LRRC4C: variants seen among roughly 807,000 people sequenced by gnomAD.
The protein encoded by LRRC4C is leucine rich repeat containing 4C.
LRRC4C carries 5 observed loss-of-function variants against 33.6 expected under a neutral mutation model. The observed-to-expected ratio is 0.15, with a 90% CI of 0.08 to 0.31. The LOEUF is 0.31. LRRC4C is among the 10% of genes least tolerant of loss of function. The probability of loss-of-function intolerance (pLI) is 1.00; values close to 1 mark genes in which losing one functional copy is unlikely to be tolerated. For missense variants in LRRC4C, 560 were observed against 796.7 expected (o/e 0.70, Z 3.58); for synonymous variants, 329 against 302.0 (o/e 1.09, Z -0.93).
chr11:40,540,161 T>C (rs972868644), intron 3 of LRRC4C, among the ~76,000 whole-genome samples: 119 of 152,212 alleles, frequency 7.8e-4, no homozygotes, highest in Non-Finnish European at 2.5e-4. Context: ...TATTCAGTGC[T>C]TTGAACACCA....
At chr11:40,226,324 A>G (rs1024978421) in intron 5 of LRRC4C, among the ~76,000 whole-genome samples, 1 of 152,198 alleles carries the variant, frequency 6.6e-6, no homozygotes, top group African/African-American at 2.4e-5. Context: ...TGCTATACAG[A>G]AAGGCTCTAT....
intron 5 of LRRC4C, among the ~76,000 whole-genome samples, chr11:40,165,770 A>T (rs1859538558): frequency 6.6e-6 from 1 of 152,126 alleles, no homozygotes; most frequent in African/African-American, 2.4e-5. Flanking sequence ...ACATGGAGGA[A>T]CCCTGTCTCT....
At chr11:40,854,701 T>C (rs1160927890) in intron 2 of LRRC4C, among the ~76,000 whole-genome samples, 2 of 151,292 alleles carry the variant, frequency 1.3e-5, no homozygotes, top group Admixed American at 6.6e-5. Context: ...TAAACACAAA[T>C]ATATTTAAAG....
chr11:41,092,513 A>C (rs1392651959), intron 1 of LRRC4C, among the ~76,000 whole-genome samples: 1 of 152,226 alleles, frequency 6.6e-6, no homozygotes, highest in East Asian at 1.9e-4. Flanking sequence ...AAAGGCTATA[A>C]TATGGCATTT....
At chr11:40,799,914 T>C (rs1180557330) in intron 2 of LRRC4C, among the ~76,000 whole-genome samples, 4 of 152,226 alleles carry the variant, frequency 2.6e-5, no homozygotes, top group African/African-American at 9.6e-5. Flanking sequence ...CCTTGGCTTG[T>C]ATTCTTGTAT....
chr11:40,204,296 C>G (rs982315580), intron 5 of LRRC4C, among the ~76,000 whole-genome samples: 1 of 152,126 alleles, frequency 6.6e-6, no homozygotes, highest in African/African-American at 2.4e-5. Flanking sequence ...GTTACAACAT[C>G]CCTCCTACGT....
intron 1 of LRRC4C, among the ~76,000 whole-genome samples, chr11:41,195,403 A>G (rs1946138836): frequency 6.6e-6 from 1 of 152,138 alleles, no homozygotes; most frequent in African/African-American, 2.4e-5. Flanking sequence ...CAAAATTATT[A>G]ACAGTGCACA....
chr11:40,675,166 A>T (rs1449966740), intron 2 of LRRC4C, among the ~76,000 whole-genome samples: 1 of 152,124 alleles, frequency 6.6e-6, no homozygotes, highest in Non-Finnish European at 1.5e-5. Context: ...GGACCCATTT[A>T]GACTTAGGAA....
intron 1 of LRRC4C, among the ~76,000 whole-genome samples, chr11:41,014,456 G>A (rs1468129769): frequency 6.0e-5 from 9 of 150,078 alleles, no homozygotes; most frequent in Admixed American, 6.0e-4. Flanking sequence ...GTGTGTTGTT[G>A]ATCACAGTAC....
At position 40,562,340 on chromosome 11, in the gene LRRC4C, C is replaced by G. The variant is rs147826446; in HGVS notation, c.-270+85802G>C. 4.6e-5 allele frequency among the ~76,000 whole-genome samples: 7 copies of G among 151,982 alleles called. No individual in the cohort carries two copies. In the East Asian group the frequency reaches 1.4e-3, roughly 29 times the overall value. On this transcript the variant is annotated intron_variant, in intron 3 of 6. Transcript: ENST00000528697. The stretch of plus-strand genomic sequence containing the variant: ...TTTTTAAGGACACTAATATTATTCC[C>G]AACTTAAAATGCAAATAAATTAAAT...
intron 2 of LRRC4C, among the ~76,000 whole-genome samples, chr11:40,757,102 C>T (rs1198487351): frequency 6.6e-6 from 1 of 152,034 alleles, no homozygotes; most frequent in Non-Finnish European, 1.5e-5. Flanking sequence ...TTTCCCCATG[C>T]CAACTCGACA....
intron 2 of LRRC4C, among the ~76,000 whole-genome samples, chr11:40,784,466 T>C (rs1196069300): frequency 6.6e-6 from 1 of 152,218 alleles, no homozygotes; most frequent in Non-Finnish European, 1.5e-5. Flanking sequence ...TATGAGGTAG[T>C]GATAAAATCT....
At chr11:40,898,839 C>T (rs941611967) in intron 2 of LRRC4C, among the ~76,000 whole-genome samples, 1 of 151,902 alleles carries the variant, frequency 6.6e-6, no homozygotes, top group African/African-American at 2.4e-5. Flanking sequence ...TAATAGGGTC[C>T]CTAAGCACAT....
intron 1 of LRRC4C, among the ~76,000 whole-genome samples, chr11:41,372,382 G>A (rs148712000): frequency 6.2e-4 from 95 of 152,250 alleles, no homozygotes; most frequent in Middle Eastern, 3.4e-3. Flanking sequence ...GTATAATTAT[G>A]TCCTTTGACA....
chr11:41,455,308 A>T (rs1316529538), intron 1 of LRRC4C, among the ~76,000 whole-genome samples: 1 of 152,084 alleles, frequency 6.6e-6, no homozygotes, highest in Non-Finnish European at 1.5e-5. Context: ...TGTATGTCCA[A>T]GTCTGGGGAA....
intron 3 of LRRC4C, among the ~76,000 whole-genome samples, chr11:40,511,462 A>T (rs986585729): frequency 6.6e-6 from 1 of 152,340 alleles, no homozygotes; most frequent in South Asian, 2.1e-4. Context: ...TAAAATTGCT[A>T]TGGACCAGTG....
At chr11:41,447,540 T>C (rs995495037) in intron 1 of LRRC4C, among the ~76,000 whole-genome samples, 2 of 152,178 alleles carry the variant, frequency 1.3e-5, no homozygotes, top group African/African-American at 2.4e-5. Context: ...AGTAAGTTCA[T>C]TGAGATAATT....
At chr11:41,048,268 T>C (rs2138081402) in intron 1 of LRRC4C, among the ~76,000 whole-genome samples, 1 of 145,558 alleles carries the variant, frequency 6.9e-6, no homozygotes, top group Admixed American at 6.8e-5. Context: ...TACTTTTTTT[T>C]TTTTTTTTTT....
Position 41,159,068 on chromosome 11 carries a change from T to G in LRRC4C, c.-495-225345A>C, listed in dbSNP as rs887789026. Among the ~76,000 whole-genome samples the G allele has an allele frequency of 4.6e-5, 7 of 152,112 alleles. No homozygotes were observed. In the East Asian group the frequency reaches 1.4e-3, roughly 29 times the overall value. On this transcript the variant is annotated intron_variant, in intron 1 of 6. Transcript: ENST00000528697. ...CGGAGGCTGAGGCAGAAATGTTGCT[T>G]GAGGTCAGGAGTTCAAGACTAGCCA...
Sources: gnomAD v4.1 joint callset for allele counts (sites outside exome capture counted in the v4.1 genomes callset) on GRCh38, gnomAD v4.1.1 for gene constraint, MANE v1.5 for transcripts, NCBI Gene and HGNC (gene_info 2026-07-23, HGNC 2026-07-21) for gene names.